TBX1: variants seen among roughly 807,000 people sequenced by gnomAD.
TBX1 encodes the protein T-box transcription factor TBX1.
In TBX1, 16 loss-of-function variants were observed where a neutral mutation model predicts 40.8. The ratio of observed to expected loss-of-function variants is 0.39; its 90% confidence interval spans 0.27 to 0.60. The LOEUF (loss-of-function observed/expected upper bound fraction) is 0.60. Among genes scored for constraint, TBX1 ranks in the 20% least tolerant of loss-of-function variants. TBX1 has a pLI of 0.51. For missense variants in TBX1, 755 were observed against 728.5 expected, an observed-to-expected ratio of 1.04 and a Z score of -0.42; for synonymous variants, 403 against 336.8, an observed-to-expected ratio of 1.20 and a Z score of -2.15.
chr22:19,770,511 G>A (rs1936972147), downstream of TBX1, among the ~76,000 whole-genome samples: 1 of 152,260 alleles, frequency 6.6e-6, no homozygotes, highest in Non-Finnish European at 1.5e-5. Context: ...GAGGTGCAGA[G>A]GCAGGAGCAC....
At chr22:19,765,315 A>G (rs1936795284) in intron 4 of TBX1, among the ~76,000 whole-genome samples, 1 of 152,018 alleles carries the variant, frequency 6.6e-6, no homozygotes, top group African/African-American at 2.4e-5. Flanking sequence ...GCCTCCTATC[A>G]GCTTGACCTC....
chr22:19,766,379 C>G lies in TBX1; in HGVS notation c.1037-10C>G. 7.6e-7 allele frequency: 1 copy of G among 1,319,566 alleles called. No homozygotes were observed. Among genetic ancestry groups the G allele is most frequent in the Non-Finnish European group, 9.7e-7 (1 of 1,034,228 alleles). 81.7% of individuals were successfully genotyped at this position (1,319,566 alleles called of 1,614,324 possible). A position where few individuals can be genotyped will look rare whatever the true frequency, so the allele number is the denominator to read the frequency against. On this transcript the variant is annotated splice_polypyrimidine_tract_variant and intron_variant, in intron 6 of 6. Transcript: ENST00000649276. ...GGCCGGCCGCGCTCACTCCTCGGCC[C>G]TCTCCGCAGACGCGGCTGAGGCCCG...
downstream of TBX1, among the ~76,000 whole-genome samples, chr22:19,769,029 C>T (rs963808894): frequency 1.4e-5 from 2 of 144,148 alleles, no homozygotes; most frequent in Non-Finnish European, 3.0e-5. Context: ...GGTGCGATCT[C>T]GGCTCACTGC....
At chr22:19,775,641 G>A (rs1156734162) in intron 8 of TBX1, among the ~76,000 whole-genome samples, 6 of 152,140 alleles carry the variant, frequency 3.9e-5, no homozygotes, top group South Asian at 4.1e-4. Flanking sequence ...ATGCACGCTC[G>A]GAACCACAGG....
At chr22:19,780,135 A>C (rs1024680193), downstream of TBX1, among the ~76,000 whole-genome samples, 1 of 152,242 alleles carries the variant, frequency 6.6e-6, no homozygotes, top group Non-Finnish European at 1.5e-5. Context: ...CACGTAAATC[A>C]AATTTACCAT....
chr22:19,778,437 TTC>T (rs1442224587), intron 8 of TBX1, among the ~76,000 whole-genome samples: 3 of 147,196 alleles, frequency 2.0e-5, no homozygotes, highest in African/African-American at 5.3e-5. Context: ...TCTTTTCTTC[TTC>T]TTTTTTTTTT....
intron 8 of TBX1, among the ~76,000 whole-genome samples, chr22:19,775,637 G>A (rs1378210983): frequency 2.0e-5 from 3 of 152,278 alleles, no homozygotes; most frequent in Middle Eastern, 3.4e-3. Context: ...TGCAATGCAC[G>A]CTCGGAACCA....
intron 2 of TBX1, chr22:19,763,626 G>C (rs544285817): frequency 6.1e-6 from 3 of 493,278 alleles, no homozygotes; most frequent in African/African-American, 3.9e-5. Context: ...ACTCAGCCCC[G>C]GACTTCTTCA....
downstream of TBX1, among the ~76,000 whole-genome samples, chr22:19,779,835 C>T (rs1466231671): frequency 6.6e-6 from 1 of 152,230 alleles, no homozygotes; most frequent in Non-Finnish European, 1.5e-5. Flanking sequence ...TAGCACCCTC[C>T]TGGGGATTAG....
At position 19,765,833 on chromosome 22, in the gene TBX1, T is replaced by C; in HGVS notation, c.935+8T>C. On this transcript the variant is annotated splice_region_variant and intron_variant, in intron 5 of 6. Coordinates refer to ENST00000649276, the MANE Select transcript of TBX1 (RefSeq NM_001379200.1). ...CTGTGACCCTGAGGACTGGTGAGTG[T>C]CCTCCCCCGAGAGAGTGAGCGCCGG... 1 of 1,599,354 alleles carries C rather than the reference T, an allele frequency of 6.3e-7. No homozygotes were observed. Among genetic ancestry groups the C allele is most frequent in the South Asian group, 1.1e-5 (1 of 88,890 alleles).
At chr22:19,776,417 C>G (rs1433281265) in intron 8 of TBX1, among the ~76,000 whole-genome samples, 1 of 152,186 alleles carries the variant, frequency 6.6e-6, no homozygotes, top group Non-Finnish European at 1.5e-5. Context: ...ACACACAGTG[C>G]CTGCTCTAGA....
chr22:19,767,442 C>T (rs558942394), downstream of TBX1: 2 of 964,272 alleles, frequency 2.1e-6, no homozygotes, highest in South Asian at 9.6e-5. Flanking sequence ...AGCCCCAATC[C>T]CTGCCGACTG....
intron 8 of TBX1, among the ~76,000 whole-genome samples, chr22:19,776,227 C>G (rs1381777964): frequency 1.3e-5 from 2 of 152,086 alleles, no homozygotes; most frequent in African/African-American, 4.8e-5. Context: ...CGTGGTCTCC[C>G]TCTCTCTCAG....
chr22:19,780,295 C>T (rs1937126781), downstream of TBX1, among the ~76,000 whole-genome samples: 1 of 152,218 alleles, frequency 6.6e-6, no homozygotes. Flanking sequence ...CCTCCCCTGG[C>T]AGCCAGCATT....
intron 6 of TBX1, 56 bp from the exon 7 acceptor site, chr22:19,766,333 T>G: frequency 8.1e-7 from 1 of 1,235,250 alleles, no homozygotes; most frequent in Non-Finnish European, 1.0e-6. Context: ...GCATGGGGCG[T>G]CGGAGCTCCT....
Position 19,766,650 on chromosome 22 carries a change from A to G in TBX1, c.1298A>G (p.Asp433Gly). 6.4e-7 allele frequency: 1 copy of G among 1,553,308 alleles called. No individual in the cohort carries two copies. Among genetic ancestry groups the G allele is most frequent in the Middle Eastern group, 1.9e-4 (1 of 5,380 alleles). ...TACAAATATCCGGCCGCCGCCTACG[A>G]CCACTATCTCGGGGCCAAGAGCCGG... ...HPYKYPAAAY[D>G]HYLGAKSRPA... Residue 433 changes from aspartate (D) to glycine (G), a missense_variant, in exon 7 of 7, where the codon GAC (aspartate) becomes GGC (glycine). This residue lies in a region of TBX1 where 412 missense variants were observed against 317.6 expected (regional missense o/e 1.30). Transcript: ENST00000649276.
chr22:19,781,309 C>T (rs1937140538), downstream of TBX1, among the ~76,000 whole-genome samples: 1 of 152,074 alleles, frequency 6.6e-6, no homozygotes, highest in African/African-American at 2.4e-5. Context: ...ACTCCAGCTC[C>T]TGGATTAAGT....
At chr22:19,768,821 G>A (rs1936935254), downstream of TBX1, among the ~76,000 whole-genome samples, 1 of 152,146 alleles carries the variant, frequency 6.6e-6, no homozygotes, top group African/African-American at 2.4e-5. Context: ...GGGACACACA[G>A]CAATGTGCAA....
At chr22:19,777,038 GT>G (rs963923644) in intron 8 of TBX1, among the ~76,000 whole-genome samples, 3 of 151,788 alleles carry the variant, frequency 2.0e-5, no homozygotes, top group East Asian at 1.9e-4. Context: ...GAACATTAAG[GT>G]TTTTTTAAAA....
Sources: gnomAD v4.1 joint callset for allele counts (sites outside exome capture counted in the v4.1 genomes callset) on GRCh38, gnomAD v4.1.1 for gene constraint, gnomAD v4.1.1 regional missense constraint, MANE v1.5 for transcripts, NCBI Gene and HGNC (gene_info 2026-07-23, HGNC 2026-07-21) for gene names.